Variants in CNTNAP5 observed in about 807,000 individuals in gnomAD.
CNTNAP5 encodes the protein contactin-associated protein-like 5.
Under a neutral mutation model 150.2 loss-of-function variants are expected in CNTNAP5, and 72 were observed. The observed-to-expected ratio is 0.48, with a 90% CI of 0.40 to 0.58. The LOEUF is 0.58. CNTNAP5 is among the 20% of genes least tolerant of loss of function. The pLI is 0.00. For synonymous variants in CNTNAP5, 672 were observed against 619.8 expected (o/e 1.08, Z -1.25); for missense variants, 1,636 against 1,626.2 (o/e 1.01, Z -0.10).
chr2:124,566,706 A>G (rs1696032704), intron 11 of CNTNAP5, among the ~76,000 whole-genome samples: 1 of 152,164 alleles, frequency 6.6e-6, no homozygotes, highest in Non-Finnish European at 1.5e-5. Context: ...TCCCTGTGCA[A>G]TTCAAATATT....
At chr2:124,731,759 AGT>A (rs1004235294) in intron 13 of CNTNAP5, among the ~76,000 whole-genome samples, 37 of 151,226 alleles carry the variant, frequency 2.4e-4, no homozygotes, top group African/African-American at 9.0e-4. Flanking sequence ...TGTGTATATG[AGT>A]GTGTGTTTCT....
chr2:124,816,724 C>G (rs972141624), intron 19 of CNTNAP5, among the ~76,000 whole-genome samples: 3 of 151,964 alleles, frequency 2.0e-5, no homozygotes, highest in Non-Finnish European at 2.9e-5. Context: ...GTGATCCACC[C>G]GCCTCAGCCT....
chr2:124,819,975 A>G (rs1247186873), intron 19 of CNTNAP5, among the ~76,000 whole-genome samples: 1 of 152,124 alleles, frequency 6.6e-6, no homozygotes. Flanking sequence ...ATTGCATATC[A>G]ACTTAAGGCT....
chr2:124,466,945 A>C (rs934387500), intron 6 of CNTNAP5, among the ~76,000 whole-genome samples: 7 of 152,200 alleles, frequency 4.6e-5, no homozygotes, highest in Non-Finnish European at 8.8e-5. Context: ...GAAAATTAAA[A>C]ATGATTAAAA....
Position 124,696,718 on chromosome 2 carries a change from G to A in CNTNAP5, c.2077+48760G>A, listed in dbSNP as rs141365552. Among the ~76,000 whole-genome samples the A allele has an allele frequency of 2.6e-5, 4 of 152,238 alleles. 1 individual carries two copies. The highest frequency in any genetic ancestry group is 1.9e-4 in the East Asian group (1 of 5,176). On this transcript the variant is annotated intron_variant, in intron 13 of 23. Coordinates refer to ENST00000682447, the MANE Select transcript of CNTNAP5 (RefSeq NM_001367498.1). ...GACTTTTGAAGCATCTAAGGTGAGC[G>A]TGTCAAATAATACATGACGATCTTC...
chr2:124,539,559 C>T (rs1318012092), intron 10 of CNTNAP5, among the ~76,000 whole-genome samples: 1 of 152,176 alleles, frequency 6.6e-6, no homozygotes, highest in Non-Finnish European at 1.5e-5. Context: ...TTCTTTGTAT[C>T]TTAGCTCCCC....
At chr2:124,637,277 T>C (rs192545238) in intron 12 of CNTNAP5, among the ~76,000 whole-genome samples, 2 of 152,190 alleles carry the variant, frequency 1.3e-5, no homozygotes, top group Non-Finnish European at 2.9e-5. Flanking sequence ...TTTTTGCTTT[T>C]GTTGTTGTTG....
At chr2:124,615,533 G>C (rs1041297477) in intron 12 of CNTNAP5, among the ~76,000 whole-genome samples, 1 of 152,114 alleles carries the variant, frequency 6.6e-6, no homozygotes, top group Non-Finnish European at 1.5e-5. Flanking sequence ...TTCTAGTTCT[G>C]TTGCTATTTC....
intron 23 of CNTNAP5, 66 bp from the exon 24 acceptor site, chr2:124,914,026 A>C: frequency 8.5e-7 from 1 of 1,178,566 alleles, no homozygotes; most frequent in Non-Finnish European, 1.2e-6. Context: ...TCTGGAGGGA[A>C]TCCACTCTCC....
chr2:124,494,812 A>G (rs1694109402), intron 7 of CNTNAP5, among the ~76,000 whole-genome samples: 1 of 152,202 alleles, frequency 6.6e-6, no homozygotes, highest in Admixed American at 6.5e-5. Context: ...TCAGCAATCT[A>G]CACTAATTTC....
chr2:124,092,560 G>C (rs1383663967), intron 1 of CNTNAP5, among the ~76,000 whole-genome samples: 1 of 152,222 alleles, frequency 6.6e-6, no homozygotes, highest in African/African-American at 2.4e-5. Flanking sequence ...AGGCACCCAG[G>C]TGTCACCAAG....
At chr2:124,754,602 C>G (rs546819392) in intron 14 of CNTNAP5, among the ~76,000 whole-genome samples, 1 of 152,264 alleles carries the variant, frequency 6.6e-6, no homozygotes, top group South Asian at 2.1e-4. Flanking sequence ...CTGTTTCAGT[C>G]ATTGAATATA....
chr2:124,439,742 G>T (rs12053037), intron 5 of CNTNAP5, among the ~76,000 whole-genome samples: 30,722 of 152,018 alleles, frequency 0.2, 3,384 homozygotes, highest in East Asian at 0.33. Flanking sequence ...ATAGCTTTGC[G>T]TATTGCCCAA....
At chr2:124,406,671 C>G (rs1691579721) in intron 3 of CNTNAP5, among the ~76,000 whole-genome samples, 1 of 152,164 alleles carries the variant, frequency 6.6e-6, no homozygotes, top group Non-Finnish European at 1.5e-5. Context: ...TCCATCAGCT[C>G]AAGCATTTAT....
At chr2:124,203,889 C>T (rs1685795096) in intron 1 of CNTNAP5, among the ~76,000 whole-genome samples, 2 of 152,232 alleles carry the variant, frequency 1.3e-5, no homozygotes. Flanking sequence ...GCCCTGAAGA[C>T]ATTTTCCCCA....
At chr2:124,233,636 T>C (rs1388639739) in intron 2 of CNTNAP5, among the ~76,000 whole-genome samples, 1 of 152,090 alleles carries the variant, frequency 6.6e-6, no homozygotes, top group Non-Finnish European at 1.5e-5. Flanking sequence ...CTTCATTCTA[T>C]CCCTTTCTCT....
intron 22 of CNTNAP5, 73 bp from the exon 23 acceptor site, chr2:124,911,394 G>T (rs1417432232): frequency 3.7e-6 from 4 of 1,085,548 alleles, no homozygotes; most frequent in South Asian, 2.7e-5. Context: ...GTCATTCCAG[G>T]TGGGCCACAC....
At chr2:124,761,268 C>T (rs1573599647) in intron 14 of CNTNAP5, among the ~76,000 whole-genome samples, 1 of 152,152 alleles carries the variant, frequency 6.6e-6, no homozygotes, top group Non-Finnish European at 1.5e-5. Flanking sequence ...GGAATGGTAC[C>T]TGTCACTCAC....
intron 1 of CNTNAP5, among the ~76,000 whole-genome samples, chr2:124,115,571 G>A (rs1304508813): frequency 6.6e-6 from 1 of 151,910 alleles, no homozygotes; most frequent in Non-Finnish European, 1.5e-5. Flanking sequence ...GATAGACCTG[G>A]GTGTAACACG....
Sources: gnomAD v4.1 joint callset for allele counts (sites outside exome capture counted in the v4.1 genomes callset) on GRCh38, gnomAD v4.1.1 for gene constraint, MANE v1.5 for transcripts, NCBI Gene and HGNC (gene_info 2026-07-23, HGNC 2026-07-21) for gene names.